The following ABCC8 variants were observed in gnomAD, a reference collection of about 807,000 sequenced individuals.
The protein encoded by ABCC8 is ATP-binding cassette sub-family C member 8.
A neutral mutation model predicts 188.0 loss-of-function variants in ABCC8; 137 were observed. The ratio of observed to expected loss-of-function variants is 0.73; its 90% CI spans 0.63 to 0.84. ABCC8 has a LOEUF of 0.84. Ranked by LOEUF, ABCC8 falls within the 40% of genes least tolerant of loss-of-function variation. The pLI is 0.00. For missense variants in ABCC8, 1,750 were observed against 2,072.7 expected (o/e 0.84, Z 3.02); for synonymous variants, 797 against 846.5 (o/e 0.94, Z 1.01).
chr11:17,470,466 C>T (rs1003582675), intron 2 of ABCC8, among the ~76,000 whole-genome samples: 10 of 152,120 alleles, frequency 6.6e-5, no homozygotes, highest in African/African-American at 1.9e-4. Context: ...ACAAGGGTTG[C>T]TGGGGTCTCT....
In ABCC8 at chr11:17,406,686, C is replaced by T; in HGVS notation, c.3265G>A (p.Gly1089Arg). The part of the protein sequence containing the change: ...LVTSVTVEWT[G>R]LKVAKRLHRS... ...TGCAGTCTCTTGGCCACCTTCAGCC[C>T]TGTCCACTCCACAGTGACAGACGTG... Residue 1089 changes from glycine to arginine, a missense_variant, in exon 26 of 39, where the codon GGG (glycine) becomes AGG (arginine). By Grantham distance (125) the Gly-to-Arg change is moderately radical. Transcript: ENST00000389817. 6.2e-7 allele frequency: 1 copy of T among 1,614,256 alleles called. No homozygotes were observed. The highest frequency in any genetic ancestry group is 8.5e-7 in the Non-Finnish European group (1 of 1,180,046).
intron 33 of ABCC8, 191 bp from the exon 34 acceptor site, chr11:17,396,121 C>A (rs1953914328): frequency 6.7e-6 from 9 of 1,346,890 alleles, no homozygotes; most frequent in Non-Finnish European, 9.0e-6. Context: ...AGAGGGCTTA[C>A]ACAGGGACCG....
At chr11:17,417,057 C>T in intron 16 of ABCC8, 95 bp from the exon 17 acceptor site, 1 of 1,586,570 alleles carries the variant, frequency 6.3e-7, no homozygotes, top group Non-Finnish European at 8.6e-7. Flanking sequence ...CAATCCCCAC[C>T]TCCAACCCTC....
intron 29 of ABCC8, among the ~76,000 whole-genome samples, chr11:17,400,340 G>A (rs538815611): frequency 2.0e-5 from 3 of 152,290 alleles, no homozygotes; most frequent in Non-Finnish European, 2.9e-5. Context: ...GCATGTGCGT[G>A]TTATAGGAGT....
At chr11:17,446,213 G>A (rs952556006) in intron 8 of ABCC8, among the ~76,000 whole-genome samples, 1 of 152,082 alleles carries the variant, frequency 6.6e-6, no homozygotes, top group Non-Finnish European at 1.5e-5. Context: ...TGAACCATCA[G>A]CCTCAGCCTC....
intron 6 of ABCC8, among the ~76,000 whole-genome samples, chr11:17,458,678 G>C (rs1957082842): frequency 1.3e-5 from 2 of 152,204 alleles, no homozygotes; most frequent in African/African-American, 4.8e-5. Flanking sequence ...AAGTAGAGAG[G>C]CTCAAAAAGC....
At chr11:17,398,962 A>C in intron 29 of ABCC8, 1 of 182,622 alleles carries the variant, frequency 5.5e-6, no homozygotes, top group Non-Finnish European at 1.2e-5. Context: ...CCTCTCCCCC[A>C]CTGTTTAGAA....
Position 17,410,902 on chromosome 11 carries a change from C to T in ABCC8, c.2557-249G>A, listed in dbSNP as rs184180351. On this transcript the variant is annotated intron_variant, in intron 21 of 38. Coordinates refer to ENST00000389817, the MANE Select transcript of ABCC8 (RefSeq NM_000352.6). Reference sequence around the variant, plus strand: ...CACTGCCTGACTCCTGGACCTTCAACGGCTCCCCATCATCTCTAAAGTCAA... The same window carrying T: ...CACTGCCTGACTCCTGGACCTTCAATGGCTCCCCATCATCTCTAAAGTCAA... 2.6e-3 allele frequency among the ~76,000 whole-genome samples: 401 copies of T among 152,298 alleles called. 1 individual carries two copies. Among genetic ancestry groups the T allele is most frequent in the African/African-American group, 7.5e-3 (312 of 41,562 alleles).
At chr11:17,423,130 G>A (rs1324113422) in intron 16 of ABCC8, among the ~76,000 whole-genome samples, 3 of 151,812 alleles carry the variant, frequency 2.0e-5, no homozygotes, top group Non-Finnish European at 4.4e-5. Flanking sequence ...AGGCTGAGGC[G>A]GGCGGATCAT....
intron 22 of ABCC8, among the ~76,000 whole-genome samples, chr11:17,409,641 T>C (rs746666370): frequency 1.3e-5 from 2 of 152,166 alleles, no homozygotes; most frequent in Non-Finnish European, 2.9e-5. Context: ...AGCAGAGCCA[T>C]TTGGCACCAG....
intron 26 of ABCC8, among the ~76,000 whole-genome samples, chr11:17,406,123 G>A (rs1954507788): frequency 6.6e-6 from 1 of 152,226 alleles, no homozygotes; most frequent in Non-Finnish European, 1.5e-5. Flanking sequence ...TTTAAGCCAA[G>A]TTGGCCAACC....
intron 17 of ABCC8, among the ~76,000 whole-genome samples, chr11:17,416,655 T>C (rs1955089866): frequency 6.6e-6 from 1 of 152,164 alleles, no homozygotes; most frequent in Non-Finnish European, 1.5e-5. Flanking sequence ...ATTTTCTGAC[T>C]CCATTCACCA....
intron 2 of ABCC8, among the ~76,000 whole-genome samples, chr11:17,470,852 G>T (rs558390531): frequency 3.6e-4 from 55 of 152,298 alleles, no homozygotes; most frequent in Middle Eastern, 3.4e-3. Context: ...TGGGTGGACT[G>T]TGGCCTGGGG....
intron 10 of ABCC8, among the ~76,000 whole-genome samples, chr11:17,442,136 T>C (rs1956340891): frequency 1.3e-5 from 2 of 152,214 alleles, no homozygotes; most frequent in African/African-American, 4.8e-5. Context: ...TATATGGGAC[T>C]CTAGGACTTT....
intron 10 of ABCC8, 56 bp from the exon 11 acceptor site, chr11:17,432,300 G>C (rs1222401776): frequency 1.0e-5 from 16 of 1,551,558 alleles, no homozygotes; most frequent in African/African-American, 2.7e-5. Flanking sequence ...GCTACACATG[G>C]AGATGCCCAG....
In ABCC8 at chr11:17,397,284, C is replaced by T; in HGVS notation, c.3897G>A (p.Arg1299=). The change falls in exon 32 of 39, where the codon AGG becomes AGA. Residue 1299 remains arginine, a synonymous_variant. Coordinates refer to ENST00000389817, the MANE Select transcript of ABCC8 (RefSeq NM_000352.6). ...GCTGGAGCTCCATGTCTGCCAGGTT[C>T]CTCACCATCCAGTTGAGGTAGTTGG... ...MVSNYLNWMV[R]NLADMELQLG... The T allele has an allele frequency of 6.2e-7, 1 of 1,613,046 alleles. No homozygotes were observed. Among genetic ancestry groups the T allele is most frequent in the South Asian group, 1.1e-5 (1 of 91,086 alleles).
At position 17,435,552 on chromosome 11, in the gene ABCC8, A is replaced by G. The variant is rs1278357569; in HGVS notation, c.1631-3308T>C. The G allele has an allele frequency of 3.1e-6, 4 of 1,283,312 alleles. No individual in the cohort carries two copies. In the East Asian group the frequency reaches 9.3e-5, roughly 30 times the overall value. The allele number at this position is 1,283,312 out of a possible 1,614,324, so 79.5% of individuals were successfully genotyped here. On this transcript the variant is annotated intron_variant, in intron 10 of 38. Coordinates refer to ENST00000389817, the MANE Select transcript of ABCC8 (RefSeq NM_000352.6). ...CTCTACTGCTCCAAGGGGATCTAAAAGCACAAAAGGATTTAAACAAATAAG... is the reference window on the plus strand; with the variant it reads ...CTCTACTGCTCCAAGGGGATCTAAAGGCACAAAAGGATTTAAACAAATAAG...
chr11:17,396,624 C>T (rs976141133), intron 33 of ABCC8: 10 of 454,514 alleles, frequency 2.2e-5, no homozygotes, highest in Non-Finnish European at 3.6e-5. Context: ...CCTGACCATT[C>T]GCAGAGAGGG....
rs1292947224 is a variant in ABCC8 at position 17,427,169 on chromosome 11, G to C, written c.2117-15C>G. The C allele has an allele frequency of 3.1e-6, 5 of 1,607,354 alleles. No homozygotes were observed. The highest frequency in any genetic ancestry group is 4.3e-6 in the Non-Finnish European group (5 of 1,176,436). On this transcript the variant is annotated splice_polypyrimidine_tract_variant and intron_variant, in intron 15 of 38. Coordinates refer to ENST00000389817, the MANE Select transcript of ABCC8 (RefSeq NM_000352.6). This position sits in a 1 kb window ranked among gnomAD's most constrained non-coding sequence, Gnocchi z 5.0. Reference sequence around the variant, plus strand: ...AGTCAGCTGGCCTGCAGGGAGGGAGGGTGGCAGATGTGAGTGGGGCCGGGG... The same window carrying C: ...AGTCAGCTGGCCTGCAGGGAGGGAGCGTGGCAGATGTGAGTGGGGCCGGGG...
Sources: gnomAD v4.1 joint callset for allele counts (sites outside exome capture counted in the v4.1 genomes callset) on GRCh38, gnomAD v4.1.1 for gene constraint, Gnocchi (gnomAD v3.1) non-coding constraint, MANE v1.5 for transcripts, NCBI Gene and HGNC (gene_info 2026-07-23, HGNC 2026-07-21) for gene names.